TAFA1: variants seen among roughly 807,000 people sequenced by gnomAD.
TAFA1 encodes the protein TAFA chemokine like family member 1, also known as chemokine-like protein TAFA-1.
A neutral mutation model predicts 18.5 loss-of-function variants in TAFA1; 4 were observed. That is an observed-to-expected ratio of 0.22 (90% CI 0.11 to 0.49). The LOEUF (loss-of-function observed/expected upper bound fraction) is 0.49, where lower values mean the gene tolerates loss of function less well. Ranked by LOEUF, TAFA1 falls within the 20% of genes least tolerant of loss-of-function variation. TAFA1 has a pLI of 0.98. For missense variants in TAFA1, 147 were observed against 169.0 expected (o/e 0.87, Z 0.72); for synonymous variants, 56 against 55.2 (o/e 1.01, Z -0.06).
chr3:68,128,376 C>G (rs1041648517), intron 2 of TAFA1, among the ~76,000 whole-genome samples: 1 of 152,150 alleles, frequency 6.6e-6, no homozygotes, highest in Admixed American at 6.5e-5. Context: ...AGGTTAATGG[C>G]TATGAGGCAG....
At chr3:68,493,670 C>G (rs527781927) in intron 3 of TAFA1, among the ~76,000 whole-genome samples, 119 of 152,218 alleles carry the variant, frequency 7.8e-4, no homozygotes, top group African/African-American at 2.7e-3. Flanking sequence ...TAGTAGCCAT[C>G]CTAATGGATG....
intron 2 of TAFA1, among the ~76,000 whole-genome samples, chr3:68,065,586 A>G (rs1352723851): frequency 6.6e-6 from 1 of 151,868 alleles, no homozygotes; most frequent in Non-Finnish European, 1.5e-5. Flanking sequence ...TTGACTTAGA[A>G]CTCACAAGGG....
intron 2 of TAFA1, among the ~76,000 whole-genome samples, chr3:68,007,654 C>G (rs1445798310): frequency 6.7e-6 from 1 of 149,850 alleles, no homozygotes; most frequent in Non-Finnish European, 1.5e-5. Flanking sequence ...AGTTCGGGCT[C>G]TGGGGACCAG....
intron 2 of TAFA1, among the ~76,000 whole-genome samples, chr3:68,046,293 G>A (rs1488599162): frequency 6.6e-6 from 1 of 152,078 alleles, no homozygotes; most frequent in Non-Finnish European, 1.5e-5. Flanking sequence ...ATATTTAGGT[G>A]ACTCTGATTG....
At chr3:68,405,390 G>A (rs753804507) in intron 2 of TAFA1, among the ~76,000 whole-genome samples, 6 of 151,952 alleles carry the variant, frequency 3.9e-5, no homozygotes, top group African/African-American at 1.4e-4. Flanking sequence ...GCTCAAAGCT[G>A]TAATTCCAGC....
At chr3:68,400,903 A>G (rs1018825810) in intron 2 of TAFA1, among the ~76,000 whole-genome samples, 3 of 152,204 alleles carry the variant, frequency 2.0e-5, no homozygotes, top group Admixed American at 2.0e-4. Flanking sequence ...TCAGGTGTTC[A>G]TCCACAGCTG....
chr3:68,523,391 A>G (rs2073057499), intron 3 of TAFA1, among the ~76,000 whole-genome samples: 1 of 152,232 alleles, frequency 6.6e-6, no homozygotes, highest in East Asian at 1.9e-4. Flanking sequence ...CTTCAGTTTA[A>G]GCACATAAGC....
At chr3:68,325,705 G>A (rs954459497) in intron 2 of TAFA1, among the ~76,000 whole-genome samples, 1 of 152,116 alleles carries the variant, frequency 6.6e-6, no homozygotes, top group Non-Finnish European at 1.5e-5. Flanking sequence ...GGGCTTTGAG[G>A]TAAATCAGTT....
At chr3:68,318,620 C>A (rs1312873427) in intron 2 of TAFA1, among the ~76,000 whole-genome samples, 1 of 152,132 alleles carries the variant, frequency 6.6e-6, no homozygotes, top group East Asian at 1.9e-4. Context: ...TTATGTTTTT[C>A]TTCTTCTTTG....
At chr3:68,160,528 A>C (rs2065913001) in intron 2 of TAFA1, among the ~76,000 whole-genome samples, 1 of 152,204 alleles carries the variant, frequency 6.6e-6, no homozygotes, top group South Asian at 2.1e-4. Flanking sequence ...TCTACAGAAG[A>C]TATTTAATCT....
At chr3:68,437,557 A>G (rs1018876445) in intron 3 of TAFA1, among the ~76,000 whole-genome samples, 4 of 152,138 alleles carry the variant, frequency 2.6e-5, no homozygotes, top group Admixed American at 1.3e-4. Flanking sequence ...TAACATGGCA[A>G]GGGGACGGAA....
chr3:68,123,878 C>CAA (rs758966848), intron 2 of TAFA1, among the ~76,000 whole-genome samples: 3 of 72,128 alleles, frequency 4.2e-5, no homozygotes, highest in Non-Finnish European at 7.2e-5. Context: ...CTTTTTTTTC[C>CAA]AAAAAAAAAA....
intron 3 of TAFA1, among the ~76,000 whole-genome samples, chr3:68,525,387 G>A (rs764297736): frequency 2.0e-5 from 3 of 152,142 alleles, no homozygotes; most frequent in Non-Finnish European, 4.4e-5. Flanking sequence ...GCTCTGCTAT[G>A]CTTTTATATA....
At chr3:68,389,680 CT>C (rs2106705264) in intron 2 of TAFA1, among the ~76,000 whole-genome samples, 1 of 152,122 alleles carries the variant, frequency 6.6e-6, no homozygotes, top group African/African-American at 2.4e-5. Context: ...CTCATTGGGA[CT>C]GGTTAGACAG....
At chr3:68,092,082 A>G (rs62245908) in intron 2 of TAFA1, among the ~76,000 whole-genome samples, 21,141 of 152,146 alleles carry the variant, frequency 0.14, 1,986 homozygotes, top group Non-Finnish European at 0.18. Context: ...CAAATTCTGT[A>G]ATAAGCCCTC....
At chr3:68,113,084 G>A (rs1211023581) in intron 2 of TAFA1, among the ~76,000 whole-genome samples, 2 of 152,050 alleles carry the variant, frequency 1.3e-5, no homozygotes, top group South Asian at 2.1e-4. Context: ...AAATGTATAT[G>A]GAAATACAAA....
chr3:68,167,487 G>C (rs1480709448), intron 2 of TAFA1, among the ~76,000 whole-genome samples: 2 of 149,200 alleles, frequency 1.3e-5, no homozygotes, highest in Non-Finnish European at 3.0e-5. Context: ...TGAGGCAGGA[G>C]AATGGCCTGG....
At chr3:68,472,379 TAA>T (rs1399559073) in intron 3 of TAFA1, among the ~76,000 whole-genome samples, 1 of 152,110 alleles carries the variant, frequency 6.6e-6, no homozygotes. Flanking sequence ...GTGAGTCAAT[TAA>T]GCCTCTTTCC....
intron 2 of TAFA1, among the ~76,000 whole-genome samples, chr3:68,370,783 T>G (rs1397321731): frequency 6.8e-6 from 1 of 146,934 alleles, no homozygotes; most frequent in Non-Finnish European, 1.5e-5. Context: ...TTTCGTTGTT[T>G]TTTTTTTTTT....
Sources: gnomAD v4.1 joint callset for allele counts (sites outside exome capture counted in the v4.1 genomes callset) on GRCh38, gnomAD v4.1.1 for gene constraint, MANE v1.5 for transcripts, NCBI Gene and HGNC (gene_info 2026-07-23, HGNC 2026-07-21) for gene names.